Variants in NOP56 observed in about 807,000 individuals in gnomAD.
The protein encoded by NOP56 is nucleolar protein 56.
A neutral mutation model predicts 58.3 loss-of-function variants in NOP56; 31 were observed. That is an observed-to-expected ratio of 0.53 (90% CI 0.40 to 0.72). The LOEUF (loss-of-function observed/expected upper bound fraction) is 0.72. Ranked by LOEUF, NOP56 falls within the 30% of genes least tolerant of loss-of-function variation. The pLI is 0.00. For synonymous variants in NOP56, 313 were observed against 282.8 expected, an observed-to-expected ratio of 1.11 and a Z score of -1.07; for missense variants, 669 against 739.9, an observed-to-expected ratio of 0.90 and a Z score of 1.11.
chr20:2,653,036 G>C, intron 2 of NOP56, 105 bp downstream of exon 2: 3 of 1,044,916 alleles, frequency 2.9e-6, no homozygotes, highest in South Asian at 3.2e-5. Context: ...GGTTCGGGGC[G>C]GGGGGACGGG....
chr20:2,653,270 T>A lies in NOP56; in HGVS notation c.94-9T>A, dbSNP rs1568540093. ...GGAAGGAAACCACTTAGCCTCTTTC[T>A]CCCCCCAGGTGGAGGAGTCTGTGCT... is the stretch of plus-strand genomic sequence containing the variant. On this transcript the variant is annotated splice_polypyrimidine_tract_variant and intron_variant, in intron 2 of 11. Transcript: ENST00000329276. 2 of 1,607,332 alleles carry A rather than the reference T, an allele frequency of 1.2e-6. No individual in the cohort carries two copies. The highest frequency in any genetic ancestry group is 3.3e-5 in the Admixed American group (2 of 59,986).
At chr20:2,654,146 C>T in intron 3 of NOP56, 1 of 681,548 alleles carries the variant, frequency 1.5e-6, no homozygotes, top group South Asian at 1.4e-5. Flanking sequence ...GTGTTACAAG[C>T]TATTATTTAT....
chr20:2,656,613 A>T (rs1376764239), intron 9 of NOP56, 64 bp downstream of exon 9: 2 of 1,607,550 alleles, frequency 1.2e-6, no homozygotes, highest in East Asian at 4.5e-5. Context: ...GGAGGCTTGC[A>T]ACCATAGCTT....
Position 2,657,172 on chromosome 20 carries a change from C to G in NOP56, c.1373C>G (p.Ala458Gly), listed in dbSNP as rs763810400. The G allele has an allele frequency of 6.2e-6, 10 of 1,614,112 alleles. No homozygotes were observed. The highest frequency in any genetic ancestry group is 1.6e-4 in the Middle Eastern group (1 of 6,062). Reference protein sequence around the residue: ...KKEKKRLAALALASSENSSST... With the variant: ...KKEKKRLAALGLASSENSSST... ...GAAAAGAAACGGCTGGCTGCACTTG[C>G]CCTCGCGTCTTCAGAAAACAGCAGT... Residue 458 changes from alanine (A) to glycine (G), a missense_variant, in exon 11 of 12, where the codon GCC becomes GGC. Ala to Gly is a moderately conservative substitution (Grantham distance 60, BLOSUM62 0). Transcript: ENST00000329276.
At position 2,657,281 on chromosome 20, in the gene NOP56, A is replaced by G. The variant is rs1487949835; in HGVS notation, c.1419+63A>G. On this transcript the variant is annotated intron_variant, in intron 11 of 11. Coordinates refer to ENST00000329276, the MANE Select transcript of NOP56 (RefSeq NM_006392.4). ...TGTAGGATTTTCAACAGCAGAACAA[A>G]GGATATGCTGCATCAAGCTGTGGTC... is the stretch of plus-strand genomic sequence containing the variant. 2.5e-6 allele frequency: 4 copies of G among 1,606,396 alleles called. No individual in the cohort carries two copies. The East Asian group carries it at 6.7e-5, about 27-fold the overall frequency.
chr20:2,652,735 G>T (rs1329643945), intron 1 of NOP56, 72 bp downstream of exon 1: 73 of 1,462,472 alleles, frequency 5.0e-5, no homozygotes, highest in Non-Finnish European at 6.7e-5. Flanking sequence ...CGCAGACAGG[G>T]CCTGGGCCTG....
At chr20:2,654,046 C>G (rs567760965) in intron 3 of NOP56, 107 of 424,010 alleles carry the variant, frequency 2.5e-4, no homozygotes, top group African/African-American at 2.0e-3. Context: ...TCTCTGCTTT[C>G]TGTTCGATTG....
At position 2,655,319 on chromosome 20, in the gene NOP56, T is replaced by A. The variant is rs773837556; in HGVS notation, c.570-6T>A. The A allele has an allele frequency of 3.8e-5, 62 of 1,614,190 alleles. No homozygotes were observed. The highest frequency in any genetic ancestry group is 5.1e-5 in the Non-Finnish European group (60 of 1,180,022). ...TGGGCCAGGGAGTGACTGTGGCTCT[T>A]TGCAGGGAGTGGTACGGGTATCACT... On this transcript the variant is annotated splice_region_variant and splice_polypyrimidine_tract_variant and intron_variant, in intron 5 of 11. Transcript: ENST00000329276.
intron 11 of NOP56, 71 bp downstream of exon 11, chr20:2,657,289 C>T: frequency 6.2e-7 from 1 of 1,601,276 alleles, no homozygotes; most frequent in Middle Eastern, 1.7e-4. Context: ...AAAGGATATG[C>T]TGCATCAAGC....
In NOP56 at chr20:2,655,969, C is replaced by G; in HGVS notation, c.945C>G (p.Leu315=). 6.2e-7 allele frequency: 1 copy of G among 1,614,244 alleles called. No homozygotes were observed. Among genetic ancestry groups the G allele is most frequent in the Non-Finnish European group, 8.5e-7 (1 of 1,180,044 alleles). The part of the protein sequence containing the change: ...GARLIAHAGS[L]TNLAKYPAST... ...GTCTCATCGCACATGCTGGCAGCCT[C>G]ACCAACCTGGCCAAGTATCCAGCAT... The change falls in exon 8 of 12, where the codon CTC becomes CTG. Residue 315 remains leucine, a synonymous_variant. Coordinates refer to ENST00000329276, the MANE Select transcript of NOP56 (RefSeq NM_006392.4).
chr20:2,655,771 G>A lies in NOP56; in HGVS notation c.909+25G>A, dbSNP rs754439288. The A allele has an allele frequency of 5.6e-6, 9 of 1,614,130 alleles. No individual in the cohort carries two copies. In the Admixed American group the frequency reaches 1.5e-4, roughly 27 times the overall value. ...GGTGCGTCACAGGGGACTCAAAAAT[G>A]GGAGAATAAGGACTGTTGCCATGTG... On this transcript the variant is annotated intron_variant, in intron 7 of 11. Coordinates refer to ENST00000329276, the MANE Select transcript of NOP56 (RefSeq NM_006392.4).
chr20:2,654,254 T>G, intron 3 of NOP56, 160 bp from the exon 4 acceptor site: 1 of 814,430 alleles, frequency 1.2e-6, no homozygotes, highest in South Asian at 1.3e-5. Flanking sequence ...ATCCCCTGAG[T>G]GCAATCACTG....
At chr20:2,653,194 C>A in intron 2 of NOP56, 85 bp from the exon 3 acceptor site, 3 of 1,133,594 alleles carry the variant, frequency 2.6e-6, no homozygotes, top group Admixed American at 1.8e-5. Context: ...ATTTTAAGAG[C>A]TTCCAAGGCT....
intron 9 of NOP56, 98 bp downstream of exon 9, chr20:2,656,647 G>A (rs770436146): frequency 1.2e-5 from 19 of 1,605,638 alleles, no homozygotes; most frequent in South Asian, 3.3e-5. Flanking sequence ...AATATTTTTC[G>A]TCAACAGCAG....
chr20:2,657,228 C>T lies in NOP56; in HGVS notation c.1419+10C>T, dbSNP rs188436194. On this transcript the variant is annotated intron_variant, in intron 11 of 11. Coordinates refer to ENST00000329276, the MANE Select transcript of NOP56 (RefSeq NM_006392.4). ...TCCAGAGGAGTGTGAGGTCAGTAGG[C>T]AGCACGGCCCTGGCAGAGATCCTAG... 5.4e-5 allele frequency: 87 copies of T among 1,613,998 alleles called. No homozygotes were observed. In the Admixed American group the frequency reaches 1.2e-3, roughly 22 times the overall value.
rs2086819111 is a variant in NOP56, at chr20:2,656,498, C to T, written c.1108C>T (p.Arg370Ter). The change falls in exon 9 of 12, where the codon CGA becomes TGA. Residue 370 changes from arginine (R) to a stop codon, truncating the protein, a stop_gained. Transcript: ENST00000329276. LOFTEE classifies it high-confidence loss of function. ...TGCCAAGAACAAAGGCCGCATCTCC[C>T]GATACCTGGCAAACAAATGCAGTAT... ...AAAKNKGRISRYLANKCSIAS... is the reference protein window; with the variant it reads ...AAAKNKGRIS 9 of 1,613,982 alleles carry T rather than the reference C, an allele frequency of 5.6e-6. No homozygotes were observed. Among genetic ancestry groups the T allele is most frequent in the Non-Finnish European group, 7.6e-6 (9 of 1,180,036 alleles).
intron 11 of NOP56, 194 bp from the exon 12 acceptor site, chr20:2,657,734 AT>A (rs2086845411): frequency 1.6e-6 from 1 of 628,622 alleles, no homozygotes; most frequent in African/African-American, 1.8e-5. Flanking sequence ...GGCTGAGGTA[AT>A]TTCTCATGAC....
chr20:2,656,344 C>T, intron 8 of NOP56, 57 bp from the exon 9 acceptor site: 1 of 1,611,366 alleles, frequency 6.2e-7, no homozygotes, highest in Non-Finnish European at 8.5e-7. Flanking sequence ...GCTGAGCTGC[C>T]TTGGCTAATG....
chr20:2,657,045 A>G (rs1200477714), intron 10 of NOP56, 36 bp from the exon 11 acceptor site: 4 of 1,614,164 alleles, frequency 2.5e-6, no homozygotes, highest in Non-Finnish European at 8.5e-7. Flanking sequence ...GAGCACCAGA[A>G]GTCTTCAGGC....
Sources: allele counts gnomAD v4.1 joint callset, GRCh38; gene constraint gnomAD v4.1.1; transcripts MANE v1.5; gene names NCBI Gene and HGNC (gene_info 2026-07-23, HGNC 2026-07-21).